The following VPS8 variants were observed in gnomAD, a reference collection of about 807,000 sequenced individuals.
VPS8 encodes vacuolar protein sorting-associated protein 8 homolog.
In VPS8, 129 loss-of-function variants were observed where a neutral mutation model predicts 216.4. The ratio of observed to expected loss-of-function variants is 0.60; its 90% CI spans 0.52 to 0.69. The LOEUF (loss-of-function observed/expected upper bound fraction) is 0.69, where lower values mean the gene tolerates loss of function less well. VPS8 is among the 30% of genes least tolerant of loss of function. The pLI is 0.00. For synonymous variants in VPS8, 571 were observed against 565.4 expected, an observed-to-expected ratio of 1.01 and a Z score of -0.14; for missense variants, 1,531 against 1,683.5, an observed-to-expected ratio of 0.91 and a Z score of 1.59.
At chr3:185,008,704 G>A (rs934302201) in intron 45 of VPS8, among the ~76,000 whole-genome samples, 1 of 152,110 alleles carries the variant, frequency 6.6e-6, no homozygotes, top group Admixed American at 6.6e-5. Flanking sequence ...CAAGCACAAA[G>A]GATCTGAGGA....
In VPS8 at chr3:184,865,136, A is replaced by T. The variant is rs543920057; in HGVS notation, c.1396-1740A>T. Among the ~76,000 whole-genome samples, 3 of 152,322 alleles carry T rather than the reference A, an allele frequency of 2.0e-5. No homozygotes were observed. In the South Asian group the frequency reaches 6.2e-4, roughly 32 times the overall value. On this transcript the variant is annotated intron_variant, in intron 16 of 47. Coordinates refer to ENST00000625842, the MANE Select transcript of VPS8 (RefSeq NM_001009921.3). The stretch of plus-strand genomic sequence containing the variant: ...ATAGAAATTATACAAAATGAAACGC[A>T]GGAAAATAATTTTAAGAAATAGTAT...
At chr3:184,853,237 G>T (rs1724648705) in intron 11 of VPS8, among the ~76,000 whole-genome samples, 1 of 152,150 alleles carries the variant, frequency 6.6e-6, no homozygotes, top group Non-Finnish European at 1.5e-5. Context: ...TGCTCTAAGA[G>T]AACTTACATT....
chr3:184,814,020 C>G (rs551322537), intron 1 of VPS8, among the ~76,000 whole-genome samples: 1 of 152,284 alleles, frequency 6.6e-6, no homozygotes, highest in African/African-American at 2.4e-5. Flanking sequence ...CTTATCTTCA[C>G]GCTGTATGAC....
At chr3:184,901,935 G>A (rs558040325) in intron 25 of VPS8, among the ~76,000 whole-genome samples, 72 of 152,268 alleles carry the variant, frequency 4.7e-4, no homozygotes, top group Non-Finnish European at 9.4e-4. Flanking sequence ...ATCCTTGCAA[G>A]CACTTGATAC....
chr3:184,919,123 G>A (rs372078015), intron 28 of VPS8: 1 of 152,192 alleles, frequency 6.6e-6, no homozygotes, highest in South Asian at 2.1e-4. Context: ...AAGGTACTTT[G>A]GAGAAATTGG....
intron 45 of VPS8, among the ~76,000 whole-genome samples, chr3:185,016,627 A>T (rs1029571102): frequency 6.6e-6 from 1 of 152,156 alleles, no homozygotes; most frequent in African/African-American, 2.4e-5. Context: ...TTAAAGGCCA[A>T]TTTTTCAGAA....
intron 45 of VPS8, among the ~76,000 whole-genome samples, chr3:185,007,050 C>T (rs1451682484): frequency 2.6e-5 from 4 of 152,128 alleles, no homozygotes; most frequent in Non-Finnish European, 1.5e-5. Context: ...GTAATAGTTG[C>T]CTGCCAACAA....
intron 46 of VPS8, among the ~76,000 whole-genome samples, chr3:185,027,007 C>T (rs545934615): frequency 7.2e-5 from 11 of 151,850 alleles, no homozygotes; most frequent in Non-Finnish European, 1.2e-4. Flanking sequence ...CCACGCCCAG[C>T]CAGCTATATT....
At chr3:184,818,627 CAA>C (rs1288418263) in intron 1 of VPS8, among the ~76,000 whole-genome samples, 1 of 149,840 alleles carries the variant, frequency 6.7e-6, no homozygotes, top group East Asian at 2.0e-4. Context: ...AACCACAAAA[CAA>C]AACAAAGGAA....
intron 46 of VPS8, among the ~76,000 whole-genome samples, chr3:185,036,940 T>G (rs1758989998): frequency 6.6e-6 from 1 of 152,118 alleles, no homozygotes; most frequent in Non-Finnish European, 1.5e-5. Context: ...TTTCTACATA[T>G]TATAAGCCCA....
At chr3:184,978,373 G>A (rs550560472) in intron 40 of VPS8, among the ~76,000 whole-genome samples, 5 of 151,072 alleles carry the variant, frequency 3.3e-5, no homozygotes, top group Non-Finnish European at 7.4e-5. Context: ...CCGTCCATCC[G>A]TCCTCCCTCC....
At chr3:184,820,161 A>T (rs1717250277) in intron 1 of VPS8, among the ~76,000 whole-genome samples, 1 of 152,190 alleles carries the variant, frequency 6.6e-6, no homozygotes, top group Non-Finnish European at 1.5e-5. Flanking sequence ...GTAGTATAAA[A>T]CAATGCAGAT....
chr3:184,894,112 AT>A (rs34868265), intron 22 of VPS8, among the ~76,000 whole-genome samples: 20 of 152,114 alleles, frequency 1.3e-4, no homozygotes, highest in African/African-American at 3.9e-4. Flanking sequence ...AGGATTAAAC[AT>A]TTTTTTTCTT....
chr3:184,821,712 T>A (rs989185010), intron 1 of VPS8, among the ~76,000 whole-genome samples: 1 of 152,170 alleles, frequency 6.6e-6, no homozygotes, highest in African/African-American at 2.4e-5. Context: ...AGAACCTAAG[T>A]TCTATCAATA....
chr3:185,007,677 A>G (rs1561090564), intron 45 of VPS8, among the ~76,000 whole-genome samples: 1 of 152,168 alleles, frequency 6.6e-6, no homozygotes, highest in Non-Finnish European at 1.5e-5. Flanking sequence ...GGAGTTTTAT[A>G]TGGTATTGTT....
chr3:185,015,584 A>G (rs938333688), intron 45 of VPS8, among the ~76,000 whole-genome samples: 19 of 152,250 alleles, frequency 1.2e-4, no homozygotes, highest in African/African-American at 4.6e-4. Flanking sequence ...CTGTAAAAAC[A>G]TTCTCAGCAC....
At chr3:184,835,094 T>C (rs971689720) in intron 5 of VPS8, 1 of 174,022 alleles carries the variant, frequency 5.7e-6, no homozygotes, top group Non-Finnish European at 1.2e-5. Context: ...TTTTTTCTCT[T>C]TTCATATGGA....
At position 185,052,009 on chromosome 3, in the gene VPS8, C is replaced by T. The variant is rs998060564; in HGVS notation, c.4271C>T (p.Pro1424Leu). The T allele has an allele frequency of 1.2e-6, 2 of 1,612,494 alleles. No individual in the cohort carries two copies. Among genetic ancestry groups the T allele is most frequent in the Non-Finnish European group, 1.7e-6 (2 of 1,179,390 alleles). ...ENFQLQLIPP[P>L]VTED ...TTCCAGCTGCAGCTCATTCCTCCAC[C>T]TGTGACTGAGGATTGATGACTCCAT... Residue 1424 changes from proline (P) to leucine (L), a missense_variant, in exon 48 of 48, where the codon CCT becomes CTT. Coordinates refer to ENST00000625842, the MANE Select transcript of VPS8 (RefSeq NM_001009921.3).
chr3:184,927,302 T>G (rs946402950), intron 31 of VPS8, among the ~76,000 whole-genome samples: 1 of 152,142 alleles, frequency 6.6e-6, no homozygotes, highest in Non-Finnish European at 1.5e-5. Flanking sequence ...TTAAGTACCA[T>G]GAGAGCTGTG....
Sources: allele counts gnomAD v4.1 joint callset (sites outside exome capture counted in the v4.1 genomes callset), GRCh38; gene constraint gnomAD v4.1.1; transcripts MANE v1.5; gene names NCBI Gene and HGNC (gene_info 2026-07-23, HGNC 2026-07-21).